PCNX2: variants seen among roughly 807,000 people sequenced by gnomAD.
PCNX2 encodes pecanex-like protein 2.
Under a neutral mutation model 223.8 loss-of-function variants are expected in PCNX2, and 168 were observed. The ratio of observed to expected loss-of-function variants is 0.75; its 90% confidence interval spans 0.66 to 0.85. PCNX2 has a LOEUF of 0.85. Ranked by LOEUF, PCNX2 falls within the 40% of genes least tolerant of loss-of-function variation. The pLI is 0.00. For synonymous variants in PCNX2, 1,006 were observed against 1,052.6 expected, an observed-to-expected ratio of 0.96 and a Z score of 0.86; for missense variants, 2,507 against 2,675.5, an observed-to-expected ratio of 0.94 and a Z score of 1.39.
chr1:233,243,897 T>C (rs916920429), intron 8 of PCNX2, among the ~76,000 whole-genome samples: 1 of 152,162 alleles, frequency 6.6e-6, no homozygotes, highest in Non-Finnish European at 1.5e-5. Flanking sequence ...AGTGACGTGA[T>C]CTCGGCTCAC....
intron 19 of PCNX2, among the ~76,000 whole-genome samples, chr1:233,145,448 T>G (rs1281630999): frequency 6.6e-6 from 1 of 152,170 alleles, no homozygotes; most frequent in South Asian, 2.1e-4. Flanking sequence ...CTGCCACCAT[T>G]TATTGAAAAC....
Position 232,984,355 on chromosome 1 carries a change from GTCC to G in PCNX2, c.6360_6362del (p.Glu2120del), listed in dbSNP as rs753425764. ...GCGAGGCCGTGTCGTCCAGGCCCAT[GTCC>G]TCCTGGCTTGCTCTCCTGCAGACAA... On this transcript the variant is annotated inframe_deletion, in exon 34 of 34. Coordinates refer to ENST00000258229, the MANE Select transcript of PCNX2 (RefSeq NM_014801.4). The G allele has an allele frequency of 2.5e-6, 4 of 1,613,420 alleles. No individual in the cohort carries two copies. Among genetic ancestry groups the G allele is most frequent in the Non-Finnish European group, 3.4e-6 (4 of 1,179,752 alleles).
intron 17 of PCNX2, among the ~76,000 whole-genome samples, chr1:233,165,649 G>GA (rs769180555): frequency 7.2e-5 from 11 of 151,906 alleles, no homozygotes; most frequent in Middle Eastern, 3.2e-3. Flanking sequence ...ATAAATTTGA[G>GA]AAAAAAAGTG....
In PCNX2 at chr1:233,000,479, G is replaced by A. The variant is rs1670044458; in HGVS notation, c.5154C>T (p.Ile1718=). 2 of 1,600,374 alleles carry A rather than the reference G, an allele frequency of 1.2e-6. No individual in the cohort carries two copies. Among genetic ancestry groups the A allele is most frequent in the South Asian group, 1.1e-5 (1 of 88,910 alleles). The part of the protein sequence containing the change: ...YEDPAVLYEA[I]QSFEKKVVIC... ...TGACCACCTTCTTCTCGAAGGACTGGATGGCCTCGTAGAGGACTGCTGGGT... is the reference window on the plus strand; with the variant it reads ...TGACCACCTTCTTCTCGAAGGACTGAATGGCCTCGTAGAGGACTGCTGGGT... Residue 1718 remains isoleucine, a synonymous_variant, in exon 30 of 34, where the codon ATC becomes ATT. Transcript: ENST00000258229. This position sits in a 1 kb window ranked among gnomAD's most constrained non-coding sequence, Gnocchi z 4.6.
At chr1:233,246,229 A>G (rs1659113154) in intron 8 of PCNX2, among the ~76,000 whole-genome samples, 1 of 151,370 alleles carries the variant, frequency 6.6e-6, no homozygotes, top group Admixed American at 6.6e-5. Flanking sequence ...TGCCCTTCAG[A>G]TGGGATAAAT....
intron 8 of PCNX2, among the ~76,000 whole-genome samples, chr1:233,248,354 T>C (rs974294891): frequency 6.6e-6 from 1 of 152,032 alleles, no homozygotes; most frequent in African/African-American, 2.4e-5. Flanking sequence ...GTCTTAGTGA[T>C]TGGGCTCAGG....
At chr1:233,021,079 T>C (rs1029165881) in intron 26 of PCNX2, among the ~76,000 whole-genome samples, 1 of 152,188 alleles carries the variant, frequency 6.6e-6, no homozygotes, top group Non-Finnish European at 1.5e-5. Context: ...TCTTCTGTTC[T>C]AATAGGCAGT....
intron 28 of PCNX2, among the ~76,000 whole-genome samples, chr1:233,010,842 C>G (rs1326809250): frequency 6.6e-6 from 1 of 152,104 alleles, no homozygotes; most frequent in East Asian, 1.9e-4. Context: ...ATGTACTCAT[C>G]CTCCCTAATT....
chr1:233,301,691 T>C, the PCNX2 span, among the ~76,000 whole-genome samples: 1 of 152,256 alleles, frequency 6.6e-6, no homozygotes. Flanking sequence ...CACAGATAGC[T>C]GCTACACTCT....
intron 23 of PCNX2, among the ~76,000 whole-genome samples, chr1:233,078,897 C>T (rs1253549986): frequency 3.3e-5 from 5 of 152,312 alleles, no homozygotes; most frequent in Admixed American, 2.6e-4. Flanking sequence ...CATTTCCATA[C>T]CTCACGTGTC....
chr1:233,320,199 T>C, the PCNX2 span, among the ~76,000 whole-genome samples: 1 of 152,314 alleles, frequency 6.6e-6, no homozygotes, highest in East Asian at 1.9e-4. Flanking sequence ...CTAAAACCTT[T>C]CACCTGATTT....
chr1:233,315,042 A>G, the PCNX2 span, among the ~76,000 whole-genome samples: 1 of 152,212 alleles, frequency 6.6e-6, no homozygotes, highest in Non-Finnish European at 1.5e-5. Flanking sequence ...ACATCCATAC[A>G]TTCAGGAAGG....
At chr1:233,324,523 A>G in the PCNX2 span, among the ~76,000 whole-genome samples, 1 of 151,042 alleles carries the variant, frequency 6.6e-6, no homozygotes, top group African/African-American at 2.4e-5. Context: ...TGCTAAATCT[A>G]CTCTGCTTGT....
chr1:233,262,477 A>T (rs1316934098), intron 2 of PCNX2, among the ~76,000 whole-genome samples: 1 of 152,164 alleles, frequency 6.6e-6, no homozygotes, highest in Non-Finnish European at 1.5e-5. Flanking sequence ...TATAATAAAC[A>T]TTATTTTTAA....
At chr1:233,309,586 A>T in the PCNX2 span, among the ~76,000 whole-genome samples, 1 of 150,462 alleles carries the variant, frequency 6.6e-6, no homozygotes, top group Admixed American at 6.6e-5. Flanking sequence ...ATATATACAA[A>T]ACTTAATTTA....
intron 8 of PCNX2, among the ~76,000 whole-genome samples, chr1:233,244,183 T>C (rs1024605652): frequency 2.6e-5 from 4 of 152,224 alleles, no homozygotes; most frequent in African/African-American, 4.8e-5. Flanking sequence ...ATTATCTGCA[T>C]TTTTTGGTTA....
At chr1:233,233,776 T>C (rs1400644356) in intron 9 of PCNX2, among the ~76,000 whole-genome samples, 1 of 151,798 alleles carries the variant, frequency 6.6e-6, no homozygotes, top group African/African-American at 2.4e-5. Context: ...CCGAGCCTTA[T>C]CTCCTGCTTG....
intron 21 of PCNX2, among the ~76,000 whole-genome samples, chr1:233,124,108 T>C (rs1365713475): frequency 2.0e-5 from 3 of 152,214 alleles, no homozygotes; most frequent in South Asian, 4.1e-4. Flanking sequence ...CTCATTCTCG[T>C]TTTCTGTCTC....
chr1:233,157,536 T>TGC (rs1203552363), intron 19 of PCNX2, among the ~76,000 whole-genome samples: 1 of 152,228 alleles, frequency 6.6e-6, no homozygotes, highest in Non-Finnish European at 1.5e-5. Flanking sequence ...TAGCTAGTCC[T>TGC]GCTCTGCCCT....
Sources: allele counts gnomAD v4.1 joint callset (sites outside exome capture counted in the v4.1 genomes callset), GRCh38; gene constraint gnomAD v4.1.1; non-coding constraint Gnocchi (gnomAD v3.1); transcripts MANE v1.5; gene names NCBI Gene and HGNC (gene_info 2026-07-23, HGNC 2026-07-21).